Variants in ATP8B3 observed in about 807,000 individuals in gnomAD.
The protein encoded by ATP8B3 is ATPase phospholipid transporting 8B3, also known as phospholipid-transporting ATPase IK.
ATP8B3 carries 141 observed loss-of-function variants against 140.9 expected under a neutral mutation model. The observed-to-expected ratio is 1.00, with a 90% CI of 0.87 to 1.15. The LOEUF is 1.15. Ranked by LOEUF, ATP8B3 falls within the 50% of genes most tolerant of loss-of-function variation. The pLI is 0.00. For synonymous variants in ATP8B3, 765 were observed against 714.6 expected (o/e 1.07, Z -1.13); for missense variants, 1,874 against 1,740.6 (o/e 1.08, Z -1.36).
At chr19:1,803,021 A>C (rs546718742) in intron 10 of ATP8B3, among the ~76,000 whole-genome samples, 3 of 152,208 alleles carry the variant, frequency 2.0e-5, no homozygotes, top group Non-Finnish European at 4.4e-5. Flanking sequence ...TCTCGGCCAC[A>C]CTCTGACCCC....
Position 1,788,959 on chromosome 19 carries a change from T to C in ATP8B3, c.3007A>G (p.Lys1003Glu), listed in dbSNP as rs971661024. 3 of 1,609,380 alleles carry C rather than the reference T, an allele frequency of 1.9e-6. No homozygotes were observed. The highest frequency in any genetic ancestry group is 2.5e-6 in the Non-Finnish European group (3 of 1,178,264). The part of the protein sequence containing the change: ...ICKFLRYFFY[K>E]SMASMMVQVW... ...TGCACCATCATGCTGGCCATGCTCT[T>C]GTAGAAGAAGTAGCGCAGGAACTTG... The change falls in exon 24 of 29, where the codon AAG becomes GAG. Residue 1003 changes from lysine (K) to glutamate (E), a missense_variant. Physicochemically the swap from Lys to Glu is moderately conservative, Grantham distance 56. Transcript: ENST00000310127.
Position 1,801,476 on chromosome 19 carries a change from C to T in ATP8B3, c.1152+480G>A, listed in dbSNP as rs543558938. On this transcript the variant is annotated intron_variant, in intron 12 of 28. Coordinates refer to ENST00000310127, the MANE Select transcript of ATP8B3 (RefSeq NM_138813.4). Reference sequence around the variant, plus strand: ...TAAAAATATATTTATTCTGGCCAGGCACGGTGGCTCATGCCTGTAATCCTA... The same window carrying T: ...TAAAAATATATTTATTCTGGCCAGGTACGGTGGCTCATGCCTGTAATCCTA... Among the ~76,000 whole-genome samples the T allele has an allele frequency of 1.7e-4, 26 of 152,312 alleles. No homozygotes were observed. The East Asian group carries it at 5.0e-3, about 29-fold the overall frequency.
chr19:1,807,435 C>T lies in ATP8B3; in HGVS notation c.517-169G>A, dbSNP rs554890293. Among the ~76,000 whole-genome samples the T allele has an allele frequency of 9.2e-5, 14 of 152,240 alleles. No individual in the cohort carries two copies. The highest frequency in any genetic ancestry group is 2.0e-4 in the Admixed American group (3 of 15,284). ...CCCCCAGCCCTCGGGACAAACGCCCCGGCATCCCTCCACCTGCCTGGAACT... is the reference window on the plus strand; with the variant it reads ...CCCCCAGCCCTCGGGACAAACGCCCTGGCATCCCTCCACCTGCCTGGAACT... On this transcript the variant is annotated intron_variant, in intron 5 of 28. Coordinates refer to ENST00000310127, the MANE Select transcript of ATP8B3 (RefSeq NM_138813.4). This position sits in a 1 kb window ranked among gnomAD's most constrained non-coding sequence, Gnocchi z 5.9.
At chr19:1,785,868 C>T (rs1262671339) in intron 25 of ATP8B3, among the ~76,000 whole-genome samples, 160 bp from the exon 26 acceptor site, 7 of 152,190 alleles carry the variant, frequency 4.6e-5, no homozygotes, top group African/African-American at 7.2e-5. Flanking sequence ...CGGTGGCACA[C>T]GCCTGTAATC....
chr19:1,789,962 G>C lies in ATP8B3; in HGVS notation c.2406C>G (p.Asn802Lys). ...ACTCCCTGGTTAGAAGGTTGTTACT[G>C]TTTTCCCAGTAGGTCTCCAGGATGC... ...ISRILETYWENSNNLLTRESL... is the reference protein window; with the variant it reads ...ISRILETYWEKSNNLLTRESL... The change falls in exon 22 of 29, where the codon AAC (asparagine) becomes AAG (lysine). Residue 802 changes from asparagine to lysine, a missense_variant. Asn to Lys is a moderately conservative substitution (Grantham distance 94, BLOSUM62 0). Transcript: ENST00000310127. 6.2e-7 allele frequency: 1 copy of C among 1,612,068 alleles called. No individual in the cohort carries two copies. The highest frequency in any genetic ancestry group is 8.5e-7 in the Non-Finnish European group (1 of 1,179,556).
At chr19:1,799,873 G>T in intron 14 of ATP8B3, 74 bp downstream of exon 14, 1 of 1,406,962 alleles carries the variant, frequency 7.1e-7, no homozygotes, top group Non-Finnish European at 9.7e-7. Flanking sequence ...GCCAGACGTG[G>T]CTCTGGTTCT....
intron 3 of ATP8B3, among the ~76,000 whole-genome samples, 159 bp downstream of exon 3, chr19:1,810,463 C>G (rs545921400): frequency 2.0e-5 from 3 of 152,154 alleles, no homozygotes; most frequent in Non-Finnish European, 4.4e-5. Flanking sequence ...AACGGGGTTT[C>G]TCCATGTTGC....
chr19:1,803,282 G>T (rs1452942368), intron 10 of ATP8B3, among the ~76,000 whole-genome samples: 1 of 152,162 alleles, frequency 6.6e-6, no homozygotes, highest in Non-Finnish European at 1.5e-5. Flanking sequence ...AGAAGAGAGA[G>T]GGGCCACAGG....
Position 1,782,300 on chromosome 19 carries a change from T to C in ATP8B3, c.*728A>G. On this transcript the variant is annotated 3_prime_UTR_variant, in exon 29 of 29. Transcript: ENST00000310127. ...AGGGATTCAGATGCTACGTCACTGC[T>C]GAACCCTGGTCCCCTCCGCAGAGGG... 1 of 351,524 alleles carries C rather than the reference T, an allele frequency of 2.8e-6. No individual in the cohort carries two copies. Among genetic ancestry groups the C allele is most frequent in the Non-Finnish European group, 5.2e-6 (1 of 192,268 alleles). The allele number at this position is 351,524 out of a possible 1,614,324, so 21.8% of individuals were successfully genotyped here. A position where few individuals can be genotyped will look rare whatever the true frequency, so the allele number is the denominator to read the frequency against.
chr19:1,806,052 G>T lies in ATP8B3; in HGVS notation c.750+45C>A. Reference sequence around the variant, plus strand: ...CCACCCTGGGAGGGGTGCTCTCGGTGAGGGGGCGCGTGGTTCTGGGACCTC... The same window carrying T: ...CCACCCTGGGAGGGGTGCTCTCGGTTAGGGGGCGCGTGGTTCTGGGACCTC... On this transcript the variant is annotated intron_variant, in intron 8 of 28. Transcript: ENST00000310127. This position sits in a 1 kb window ranked among gnomAD's most constrained non-coding sequence, Gnocchi z 5.6. The T allele has an allele frequency of 1.2e-6, 2 of 1,603,648 alleles. No individual in the cohort carries two copies.
At chr19:1,795,845 A>G (rs1568635635) in intron 18 of ATP8B3, 30 bp downstream of exon 18, 16 of 1,249,582 alleles carry the variant, frequency 1.3e-5, no homozygotes, top group Middle Eastern at 3.9e-4. Context: ...ACACACACAC[A>G]CATAAGCCAG....
At position 1,789,083 on chromosome 19, in the gene ATP8B3, GC is replaced by G; in HGVS notation, c.2882del (p.Gly961AlafsTer48). On this transcript the variant is annotated frameshift_variant, in exon 24 of 29. Coordinates refer to ENST00000310127, the MANE Select transcript of ATP8B3 (RefSeq NM_138813.4). LOFTEE classifies it high-confidence loss of function. Reference protein sequence around the residue: ...DVGVGLAGQEGMQAVQNSDFV... With the variant: ...DVGVGLAGQEXMQAVQNSDFV... Reference sequence around the variant, plus strand: ...AGTCGCTGTTCTGAACTGCCTGCATGCCCTCCTGGCCCGCCAGCCCCACGCC... The same window carrying G: ...AGTCGCTGTTCTGAACTGCCTGCATGCCTCCTGGCCCGCCAGCCCCACGCC... 1 of 1,577,642 alleles carries G rather than the reference GC, an allele frequency of 6.3e-7. No individual in the cohort carries two copies. The highest frequency in any genetic ancestry group is 1.2e-5 in the South Asian group (1 of 86,686).
At position 1,811,742 on chromosome 19, in the gene ATP8B3, G is replaced by T; in HGVS notation, c.-6C>A. The T allele has an allele frequency of 1.3e-6, 2 of 1,580,816 alleles. No individual in the cohort carries two copies. The highest frequency in any genetic ancestry group is 1.7e-6 in the Non-Finnish European group (2 of 1,168,456). On this transcript the variant is annotated 5_prime_UTR_variant, in exon 2 of 29. Coordinates refer to ENST00000310127, the MANE Select transcript of ATP8B3 (RefSeq NM_138813.4). Reference sequence around the variant, plus strand: ...TGAGCGGGGCCAGTGCCCATTCACCGCATGAGGAAAAGGGAGGTTCAGGGC... The same window carrying T: ...TGAGCGGGGCCAGTGCCCATTCACCTCATGAGGAAAAGGGAGGTTCAGGGC...
rs114965447 is a variant in ATP8B3 at position 1,785,038 on chromosome 19, C to G, written c.3533-92G>C. 7.3e-4 allele frequency: 1,096 copies of G among 1,503,498 alleles called. 5 individuals are homozygous for G. The African/African-American group carries it at 0.012, about 17-fold the overall frequency. The allele number at this position is 1,503,498 out of a possible 1,614,324, so 93.1% of individuals were successfully genotyped here. A position where few individuals can be genotyped will look rare whatever the true frequency, so the allele number is the denominator to read the frequency against. On this transcript the variant is annotated intron_variant, in intron 27 of 28. Coordinates refer to ENST00000310127, the MANE Select transcript of ATP8B3 (RefSeq NM_138813.4). ...CGCCTTGGTGCCTTTGTGCCTGGTC[C>G]ATAAAGGAGCGCCTTCCCCAGGACA...
At position 1,788,958 on chromosome 19, in the gene ATP8B3, T is replaced by A. The variant is rs1485615265; in HGVS notation, c.3008A>T (p.Lys1003Met). Residue 1003 changes from lysine to methionine, a missense_variant, in exon 24 of 29, where the codon AAG (lysine) becomes ATG (methionine). Transcript: ENST00000310127. ...ICKFLRYFFY[K>M]SMASMMVQVW... ...CTGCACCATCATGCTGGCCATGCTCTTGTAGAAGAAGTAGCGCAGGAACTT... is the reference window on the plus strand; with the variant it reads ...CTGCACCATCATGCTGGCCATGCTCATGTAGAAGAAGTAGCGCAGGAACTT... 6.2e-7 allele frequency: 1 copy of A among 1,609,472 alleles called. No individual in the cohort carries two copies. Among genetic ancestry groups the A allele is most frequent in the South Asian group, 1.1e-5 (1 of 90,210 alleles).
At position 1,783,288 on chromosome 19, in the gene ATP8B3, G is replaced by A. The variant is rs1401818419; in HGVS notation, c.3661-18C>T. 19 of 1,602,070 alleles carry A rather than the reference G, an allele frequency of 1.2e-5. No individual in the cohort carries two copies. The highest frequency in any genetic ancestry group is 1.5e-5 in the Non-Finnish European group (18 of 1,174,140). ...TTCTCCTCCTGAAGAGCAAAGGGGAGAGCAGGGGAAGCAGACTCCTATGCT... is the reference window on the plus strand; with the variant it reads ...TTCTCCTCCTGAAGAGCAAAGGGGAAAGCAGGGGAAGCAGACTCCTATGCT... On this transcript the variant is annotated intron_variant, in intron 28 of 28. Coordinates refer to ENST00000310127, the MANE Select transcript of ATP8B3 (RefSeq NM_138813.4).
Position 1,785,579 on chromosome 19 carries a change from A to G in ATP8B3, c.3283T>C (p.Phe1095Leu). The change falls in exon 26 of 29, where the codon TTC becomes CTC. Residue 1095 changes from phenylalanine to leucine, a missense_variant. Coordinates refer to ENST00000310127, the MANE Select transcript of ATP8B3 (RefSeq NM_138813.4). Reference protein sequence around the residue: ...HGVTTSLVNFFMTLWISRDTA... With the variant: ...HGVTTSLVNFLMTLWISRDTA... ...TCGCGGCTGATCCACAGTGTCATGA[A>G]GAAGTTGACCAGAGAGGTGGTCACA... 6.2e-7 allele frequency: 1 copy of G among 1,613,184 alleles called. No individual in the cohort carries two copies. Among genetic ancestry groups the G allele is most frequent in the Non-Finnish European group, 8.5e-7 (1 of 1,179,890 alleles).
chr19:1,807,672 G>A lies in ATP8B3; in HGVS notation c.517-406C>T, dbSNP rs560435609. ...CCGGCCAGCGGCCTGCACACAGTAG[G>A]TACTCCATTAATGCTGAATGACTCG... On this transcript the variant is annotated intron_variant, in intron 5 of 28. Transcript: ENST00000310127. This position sits in a 1 kb window ranked among gnomAD's most constrained non-coding sequence, Gnocchi z 5.9. Among the ~76,000 whole-genome samples the A allele has an allele frequency of 6.6e-6, 1 of 152,116 alleles. No individual in the cohort carries two copies. Among genetic ancestry groups the A allele is most frequent in the African/African-American group, 2.4e-5 (1 of 41,456 alleles).
intron 25 of ATP8B3, 63 bp downstream of exon 25, chr19:1,787,040 C>G: frequency 2.8e-6 from 4 of 1,430,814 alleles, no homozygotes; most frequent in Non-Finnish European, 3.8e-6. Context: ...CCCCAAGGAG[C>G]GGAGGAGAGG....
Sources: allele counts gnomAD v4.1 joint callset (sites outside exome capture counted in the v4.1 genomes callset), GRCh38; gene constraint gnomAD v4.1.1; non-coding constraint Gnocchi (gnomAD v3.1); transcripts MANE v1.5; gene names NCBI Gene and HGNC (gene_info 2026-07-23, HGNC 2026-07-21).